Variants in LIMCH1 observed in about 807,000 individuals in gnomAD.
LIMCH1 encodes the protein LIM and calponin homology domains 1.
In LIMCH1, 113 loss-of-function variants were observed where a neutral mutation model predicts 176.5. That is an observed-to-expected ratio of 0.64 (90% CI 0.55 to 0.75). The LOEUF (loss-of-function observed/expected upper bound fraction) is 0.75, where lower values mean the gene tolerates loss of function less well. Ranked by LOEUF, LIMCH1 falls within the 30% of genes least tolerant of loss-of-function variation. LIMCH1 has a pLI of 0.00. For synonymous variants in LIMCH1, 619 were observed against 645.9 expected, an observed-to-expected ratio of 0.96 and a Z score of 0.63; for missense variants, 1,674 against 1,814.9, an observed-to-expected ratio of 0.92 and a Z score of 1.41.
At chr4:41,426,017 C>CTTTTTT (rs913325890) in intron 1 of LIMCH1, among the ~76,000 whole-genome samples, 27 of 102,862 alleles carry the variant, frequency 2.6e-4, no homozygotes, top group African/African-American at 8.7e-4. Flanking sequence ...TGAAAAGATT[C>CTTTTTT]TTTTTTTTTT....
At chr4:41,436,825 AT>A (rs2062134359) in intron 1 of LIMCH1, among the ~76,000 whole-genome samples, 1 of 152,208 alleles carries the variant, frequency 6.6e-6, no homozygotes, top group Non-Finnish European at 1.5e-5. Context: ...CGAAGGAGAT[AT>A]AAAGCAGAAA....
chr4:41,651,308 A>G (rs28438429), intron 18 of LIMCH1, among the ~76,000 whole-genome samples: 40,663 of 152,002 alleles, frequency 0.27, 6,485 homozygotes, highest in African/African-American at 0.45. Context: ...ACCCAGCCTA[A>G]TTTCCCCTTT....
chr4:41,697,066 G>C, intron 31 of LIMCH1, 94 bp from the exon 32 acceptor site: 1 of 1,307,444 alleles, frequency 7.6e-7, no homozygotes. Flanking sequence ...GGAGACTTTG[G>C]TAAAGGCAGT....
chr4:41,624,270 A>G (rs968825667), intron 7 of LIMCH1, among the ~76,000 whole-genome samples: 1 of 152,140 alleles, frequency 6.6e-6, no homozygotes, highest in Admixed American at 6.5e-5. Context: ...TCAACCACGT[A>G]GTAATTAATT....
At chr4:41,639,034 C>A in intron 14 of LIMCH1, 67 bp downstream of exon 14, 1 of 1,192,744 alleles carries the variant, frequency 8.4e-7, no homozygotes, top group Non-Finnish European at 1.2e-6. Flanking sequence ...CCAGTACTTA[C>A]CACTAATTGA....
intron 1 of LIMCH1, among the ~76,000 whole-genome samples, chr4:41,590,083 A>G (rs560138305): frequency 6.7e-6 from 1 of 149,932 alleles, no homozygotes; most frequent in African/African-American, 2.5e-5. Context: ...TCTTTTAAAA[A>G]TAGTTAGTTA....
At chr4:41,649,896 G>T (rs1026201758) in intron 17 of LIMCH1, among the ~76,000 whole-genome samples, 8 of 152,136 alleles carry the variant, frequency 5.3e-5, no homozygotes, top group Admixed American at 5.2e-4. Context: ...CAGATCCCTT[G>T]CCCTCTGCCT....
In LIMCH1 at chr4:41,620,056, C is replaced by G. The variant is rs190059263; in HGVS notation, c.459-368C>G. On this transcript the variant is annotated intron_variant, in intron 6 of 31. Coordinates refer to ENST00000503057, the MANE Select transcript of LIMCH1 (RefSeq NM_001330672.2). ...CCCAATAACAAATAAGGCAGAGTCC[C>G]TGCCTTCAAGAATCTTACAATAAAA... The G allele has an allele frequency of 1.6e-3, 343 of 214,518 alleles. 4 individuals are homozygous for G. The highest frequency in any genetic ancestry group is 7.5e-3 in the African/African-American group (324 of 43,160). 13.3% of individuals were successfully genotyped at this position (214,518 alleles called of 1,614,324 possible).
At chr4:41,517,104 A>G (rs2075653559) in intron 2 of LIMCH1, among the ~76,000 whole-genome samples, 1 of 152,200 alleles carries the variant, frequency 6.6e-6, no homozygotes, top group African/African-American at 2.4e-5. Context: ...GCAGTTATTT[A>G]GGGACACCAG....
intron 24 of LIMCH1, 76 bp downstream of exon 24, chr4:41,680,174 GGCATGCGGAT>G (rs1311217398): frequency 2.0e-6 from 2 of 1,001,190 alleles, no homozygotes; most frequent in Non-Finnish European, 3.1e-6. Flanking sequence ...CTGTGTCTGT[GGCATGCGGAT>G]GCATGTGGCT....
At chr4:41,621,304 A>C (rs1031258690) in intron 7 of LIMCH1, among the ~76,000 whole-genome samples, 6 of 152,188 alleles carry the variant, frequency 3.9e-5, no homozygotes, top group African/African-American at 1.4e-4. Context: ...TACATGTGAG[A>C]TGGAGACCTT....
At chr4:41,473,137 G>A in intron 1 of LIMCH1, 2 of 985,430 alleles carry the variant, frequency 2.0e-6, no homozygotes, top group Non-Finnish European at 2.4e-6. Context: ...CTTGGTAAAT[G>A]TTGATGTGAG....
At chr4:41,636,485 C>G (rs2093600039) in intron 13 of LIMCH1, among the ~76,000 whole-genome samples, 1 of 151,742 alleles carries the variant, frequency 6.6e-6, no homozygotes, top group African/African-American at 2.4e-5. Context: ...CCTTTTAAAG[C>G]TAATACAAGT....
intron 1 of LIMCH1, among the ~76,000 whole-genome samples, chr4:41,594,379 T>C (rs2088297124): frequency 6.6e-6 from 1 of 152,232 alleles, no homozygotes; most frequent in Non-Finnish European, 1.5e-5. Context: ...AAGCAGTGTC[T>C]TGTACTTCTT....
At chr4:41,657,734 A>G (rs1562114502) in intron 18 of LIMCH1, among the ~76,000 whole-genome samples, 1 of 152,170 alleles carries the variant, frequency 6.6e-6, no homozygotes, top group Non-Finnish European at 1.5e-5. Context: ...TCCATAAATA[A>G]GTGCATAATA....
Position 41,629,743 on chromosome 4 carries a change from TGTTTCCCCCCCA to T in LIMCH1, c.1271+19_1271+30del, listed in dbSNP as rs1463261696. On this transcript the variant is annotated intron_variant, in intron 9 of 31. Coordinates refer to ENST00000503057, the MANE Select transcript of LIMCH1 (RefSeq NM_001330672.2). ...GTGTCAGAAAAGGCGAGGTGTGTCA[TGTTTCCCCCCCA>T]GTTTCCCCCTGGCAGTCATGGTATT... The T allele has an allele frequency of 1.3e-6, 2 of 1,529,888 alleles. No homozygotes were observed. Among genetic ancestry groups the T allele is most frequent in the African/African-American group, 1.4e-5 (1 of 72,760 alleles). The allele number at this position is 1,529,888 out of a possible 1,614,324, so 94.8% of individuals were successfully genotyped here.
intron 1 of LIMCH1, among the ~76,000 whole-genome samples, chr4:41,411,898 C>T (rs1481339202): frequency 7.9e-6 from 1 of 126,790 alleles, no homozygotes; most frequent in East Asian, 2.6e-4. Context: ...GTGGAAGTTG[C>T]AGTGAGCGAG....
At chr4:41,529,488 A>G (rs865804580) in intron 3 of LIMCH1, among the ~76,000 whole-genome samples, 1 of 152,188 alleles carries the variant, frequency 6.6e-6, no homozygotes, top group African/African-American at 2.4e-5. Flanking sequence ...AGGAAAAGAC[A>G]ATTTTACGTC....
At chr4:41,666,508 C>A in intron 20 of LIMCH1, 53 bp from the exon 21 acceptor site, 1 of 1,101,734 alleles carries the variant, frequency 9.1e-7, no homozygotes, top group Non-Finnish European at 1.4e-6. Flanking sequence ...GTCACCTGTG[C>A]ATTTATCAAT....
Sources: allele counts gnomAD v4.1 joint callset (sites outside exome capture counted in the v4.1 genomes callset), GRCh38; gene constraint gnomAD v4.1.1; transcripts MANE v1.5; gene names NCBI Gene and HGNC (gene_info 2026-07-23, HGNC 2026-07-21).